Variants in EYA1 observed in about 807,000 individuals in gnomAD.
EYA1 encodes the protein protein phosphatase EYA1.
In EYA1, 16 loss-of-function variants were observed where a neutral mutation model predicts 82.0. That is an observed-to-expected ratio of 0.20 (90% CI 0.13 to 0.30). The LOEUF (loss-of-function observed/expected upper bound fraction) is 0.30. EYA1 is among the 10% of genes least tolerant of loss of function. The probability of loss-of-function intolerance (pLI) is 1.00; values close to 1 mark genes in which losing one functional copy is unlikely to be tolerated. For synonymous variants in EYA1, 261 were observed against 264.4 expected, an observed-to-expected ratio of 0.99 and a Z score of 0.12; for missense variants, 633 against 730.7, an observed-to-expected ratio of 0.87 and a Z score of 1.54.
chr8:71,301,470 C>T (rs1239247881), intron 7 of EYA1, among the ~76,000 whole-genome samples: 3 of 152,056 alleles, frequency 2.0e-5, no homozygotes, highest in Non-Finnish European at 2.9e-5. Context: ...TTTACTTTCC[C>T]GAATTAGATA....
chr8:71,406,307 C>G (rs1830216062), intron 2 of EYA1, among the ~76,000 whole-genome samples: 1 of 152,084 alleles, frequency 6.6e-6, no homozygotes, highest in South Asian at 2.1e-4. Flanking sequence ...GGGAAATGAC[C>G]ATTACAGAAA....
At chr8:71,393,852 C>A (rs573017439) in intron 2 of EYA1, among the ~76,000 whole-genome samples, 8 of 152,302 alleles carry the variant, frequency 5.3e-5, no homozygotes, top group Non-Finnish European at 8.8e-5. Flanking sequence ...AGTTCTAGAT[C>A]CTTGAGGAAT....
At chr8:71,446,769 C>T (rs890761277) in intron 2 of EYA1, among the ~76,000 whole-genome samples, 2 of 152,098 alleles carry the variant, frequency 1.3e-5, no homozygotes, top group East Asian at 3.9e-4. Context: ...ATGTCTTTGG[C>T]CATTAGGTTC....
At chr8:71,499,146 C>G (rs1811634980) in intron 2 of EYA1, among the ~76,000 whole-genome samples, 1 of 152,072 alleles carries the variant, frequency 6.6e-6, no homozygotes, top group African/African-American at 2.4e-5. Context: ...TAAATAACAT[C>G]TAGGGGAGGT....
intron 9 of EYA1, among the ~76,000 whole-genome samples, chr8:71,290,151 G>A (rs1818838946): frequency 6.6e-6 from 1 of 152,058 alleles, no homozygotes; most frequent in Non-Finnish European, 1.5e-5. Context: ...AAATAACATT[G>A]GTAGCCCCAT....
At chr8:71,280,954 C>T (rs879914348) in intron 9 of EYA1, among the ~76,000 whole-genome samples, 6 of 152,044 alleles carry the variant, frequency 3.9e-5, no homozygotes, top group Non-Finnish European at 5.9e-5. Context: ...GATGTGGTTC[C>T]GCCACGTTGC....
chr8:71,450,369 A>T (rs1807261664), intron 2 of EYA1, among the ~76,000 whole-genome samples: 1 of 152,186 alleles, frequency 6.6e-6, no homozygotes, highest in Non-Finnish European at 1.5e-5. Context: ...ACCTAATTTG[A>T]CTATTGTTGT....
intron 2 of EYA1, among the ~76,000 whole-genome samples, chr8:71,488,645 A>G (rs1009345718): frequency 1.3e-5 from 2 of 152,248 alleles, no homozygotes; most frequent in Non-Finnish European, 2.9e-5. Context: ...TTACTTTTAA[A>G]CAAGTGTTTA....
At chr8:71,295,107 G>A (rs1317919000) in intron 9 of EYA1, among the ~76,000 whole-genome samples, 2 of 152,178 alleles carry the variant, frequency 1.3e-5, no homozygotes, top group African/African-American at 4.8e-5. Context: ...CAGAGAACTA[G>A]ATGTAAAATG....
At chr8:71,394,925 C>T (rs979423044) in intron 2 of EYA1, among the ~76,000 whole-genome samples, 19 of 152,122 alleles carry the variant, frequency 1.2e-4, no homozygotes, top group Non-Finnish European at 2.2e-4. Context: ...TATCCATGAG[C>T]GTGGAATGTT....
chr8:71,521,606 C>T (rs1303888811), intron 2 of EYA1, among the ~76,000 whole-genome samples: 1 of 152,126 alleles, frequency 6.6e-6, no homozygotes, highest in African/African-American at 2.4e-5. Context: ...GAATTCTCTT[C>T]TGTAAAACTT....
chr8:71,252,095 T>C (rs1434924522), intron 11 of EYA1, among the ~76,000 whole-genome samples: 4 of 152,096 alleles, frequency 2.6e-5, no homozygotes, highest in African/African-American at 9.7e-5. Flanking sequence ...GGGGCCCTGC[T>C]TTGTTTCATC....
At chr8:71,526,520 G>C (rs1172335211) in intron 2 of EYA1, among the ~76,000 whole-genome samples, 1 of 152,120 alleles carries the variant, frequency 6.6e-6, no homozygotes, top group Non-Finnish European at 1.5e-5. Context: ...AACATATCTT[G>C]GCTATCTGCT....
chr8:71,397,870 A>C (rs1270893498), intron 2 of EYA1, among the ~76,000 whole-genome samples: 8 of 152,188 alleles, frequency 5.3e-5, no homozygotes, highest in Admixed American at 4.6e-4. Flanking sequence ...CCTGGATAAC[A>C]TCCTGCAGAG....
At chr8:71,383,709 T>C (rs1039114895) in intron 2 of EYA1, among the ~76,000 whole-genome samples, 3 of 152,054 alleles carry the variant, frequency 2.0e-5, no homozygotes, top group Non-Finnish European at 2.9e-5. Flanking sequence ...GTGGGAATAA[T>C]AAACACCAAA....
chr8:71,464,463 G>A (rs1339119483), intron 2 of EYA1, among the ~76,000 whole-genome samples: 2 of 152,134 alleles, frequency 1.3e-5, no homozygotes, highest in Non-Finnish European at 2.9e-5. Flanking sequence ...CCCCATCTGT[G>A]CCACTTACAC....
At chr8:71,315,798 A>C (rs1436999198) in intron 7 of EYA1, among the ~76,000 whole-genome samples, 1 of 152,236 alleles carries the variant, frequency 6.6e-6, no homozygotes, top group Non-Finnish European at 1.5e-5. Context: ...GAGGCACATA[A>C]ATAATATCCT....
intron 2 of EYA1, among the ~76,000 whole-genome samples, chr8:71,455,254 G>A (rs1807785597): frequency 6.6e-6 from 1 of 152,090 alleles, no homozygotes; most frequent in African/African-American, 2.4e-5. Flanking sequence ...TTAAATTGAG[G>A]CAATCATTAA....
At chr8:71,218,715 T>C (rs1469309192) in intron 12 of EYA1, among the ~76,000 whole-genome samples, 1 of 152,206 alleles carries the variant, frequency 6.6e-6, no homozygotes, top group Non-Finnish European at 1.5e-5. Context: ...TGAATGATGA[T>C]CGCTTGTGTT....
Sources: gnomAD v4.1 joint callset for allele counts (sites outside exome capture counted in the v4.1 genomes callset) on GRCh38, gnomAD v4.1.1 for gene constraint, MANE v1.5 for transcripts, NCBI Gene and HGNC (gene_info 2026-07-23, HGNC 2026-07-21) for gene names.